PPP2R2C: variants seen among roughly 807,000 people sequenced by gnomAD.
PPP2R2C encodes the protein protein phosphatase 2 regulatory subunit Bgamma.
A neutral mutation model predicts 45.3 loss-of-function variants in PPP2R2C; 10 were observed. The observed-to-expected ratio is 0.22, with a 90% CI of 0.14 to 0.37. PPP2R2C has a LOEUF of 0.37. Among genes scored for constraint, PPP2R2C ranks in the 10% least tolerant of loss-of-function variants. The pLI is 1.00. For missense variants in PPP2R2C, 308 were observed against 619.7 expected (o/e 0.50, Z 5.34); for synonymous variants, 257 against 245.4 (o/e 1.05, Z -0.44).
intron 5 of PPP2R2C, among the ~76,000 whole-genome samples, chr4:6,354,102 G>A (rs899870154): frequency 2.0e-5 from 3 of 150,408 alleles, no homozygotes; most frequent in East Asian, 2.0e-4. Context: ...AACCCCTTGC[G>A]CTCTGCCCCT....
chr4:6,546,172 T>C (rs1724975603), intron 1 of PPP2R2C, among the ~76,000 whole-genome samples: 1 of 152,148 alleles, frequency 6.6e-6, no homozygotes, highest in African/African-American at 2.4e-5. Flanking sequence ...CAAGGTCAGG[T>C]TTATGGTCAG....
rs1194386456 is a variant in PPP2R2C at position 6,332,648 on chromosome 4, G to A, written c.960+914C>T. On this transcript the variant is annotated intron_variant, in intron 7 of 8. Coordinates refer to ENST00000382599, the MANE Select transcript of PPP2R2C (RefSeq NM_020416.4). This position sits in a 1 kb window ranked among gnomAD's most constrained non-coding sequence, Gnocchi z 4.9. The stretch of plus-strand genomic sequence containing the variant: ...TCTGAATCTGTCACCGCCCAGCCGA[G>A]AGACACCTCCCTCATCTCCCTACCT... Among the ~76,000 whole-genome samples the A allele has an allele frequency of 6.6e-6, 1 of 152,192 alleles. No individual in the cohort carries two copies. The highest frequency in any genetic ancestry group is 1.5e-5 in the Non-Finnish European group (1 of 68,034).
At chr4:6,561,055 C>T (rs543596184) in intron 1 of PPP2R2C, among the ~76,000 whole-genome samples, 2 of 152,348 alleles carry the variant, frequency 1.3e-5, no homozygotes, top group Admixed American at 1.3e-4. Context: ...GACCGCCCTT[C>T]CCTGGGCTGG....
chr4:6,435,550 G>A (rs1023302309), intron 1 of PPP2R2C, among the ~76,000 whole-genome samples: 11 of 152,218 alleles, frequency 7.2e-5, no homozygotes, highest in South Asian at 4.1e-4. Flanking sequence ...AGGATCTTGA[G>A]ATAGAGCTTG....
In PPP2R2C at chr4:6,459,321, A is replaced by G. The variant is rs73796207; in HGVS notation, c.70+12839T>C. ...CCACAAACTGCTTGGGCTTCCTCAC[A>G]ATATGGTGGCTGGCTCCAAGGCAGA... On this transcript the variant is annotated intron_variant, in intron 1 of 8. Transcript: ENST00000382599. Among the ~76,000 whole-genome samples the G allele has an allele frequency of 3.7e-3, 558 of 152,226 alleles. 8 individuals carry two copies. The highest frequency in any genetic ancestry group is 0.017 in the Middle Eastern group (5 of 294).
intron 1 of PPP2R2C, among the ~76,000 whole-genome samples, chr4:6,464,464 G>C (rs1721491376): frequency 6.6e-6 from 1 of 152,188 alleles, no homozygotes; most frequent in Non-Finnish European, 1.5e-5. Context: ...TTTCAAGGCA[G>C]ACACAGCCTT....
intron 1 of PPP2R2C, among the ~76,000 whole-genome samples, chr4:6,549,350 A>G (rs983849612): frequency 1.3e-5 from 2 of 151,702 alleles, no homozygotes; most frequent in Non-Finnish European, 2.9e-5. Flanking sequence ...TTCATTCCAG[A>G]GCTTTGCACC....
rs1272703367 is a variant in PPP2R2C, at chr4:6,539,964, C to A, written c.-58-4587G>T. On this transcript the variant is annotated intron_variant, in intron 1 of 9. Coordinates refer to the PPP2R2C transcript ENST00000506140. ...GGCCACGTGGCCACCTGCCCCAGGC[C>A]CGTGAGGACCCTGCAGTTAGCCCTG... Among the ~76,000 whole-genome samples, 2 of 152,310 alleles carry A rather than the reference C, an allele frequency of 1.3e-5. 1 individual carries two copies. The highest frequency in any genetic ancestry group is 6.8e-3 in the Middle Eastern group (2 of 294).
intron 5 of PPP2R2C, among the ~76,000 whole-genome samples, chr4:6,369,581 G>A (rs998023073): frequency 2.0e-5 from 3 of 152,136 alleles, no homozygotes; most frequent in African/African-American, 7.2e-5. Context: ...ACTGGCATTC[G>A]GGGCCCCTAC....
chr4:6,531,350 G>A (rs1724391854), intron 2 of PPP2R2C, among the ~76,000 whole-genome samples: 1 of 152,178 alleles, frequency 6.6e-6, no homozygotes, highest in Non-Finnish European at 1.5e-5. Context: ...GCCAACCCGT[G>A]ACAGCAAAGG....
intron 1 of PPP2R2C, among the ~76,000 whole-genome samples, chr4:6,540,088 C>T (rs4234758): frequency 0.48 from 73,607 of 152,072 alleles, 18,002 homozygotes; most frequent in Non-Finnish European, 0.53. Flanking sequence ...CCATATACCA[C>T]ACACTTTACT....
At chr4:6,561,215 C>T (rs918528772) in intron 1 of PPP2R2C, among the ~76,000 whole-genome samples, 4 of 152,160 alleles carry the variant, frequency 2.6e-5, no homozygotes, top group East Asian at 3.9e-4. Flanking sequence ...ATGCCTGACT[C>T]GACACTCAAC....
At chr4:6,447,284 G>A (rs746120218) in intron 1 of PPP2R2C, among the ~76,000 whole-genome samples, 10 of 152,140 alleles carry the variant, frequency 6.6e-5, no homozygotes, top group East Asian at 1.9e-4. Flanking sequence ...GCACCCTTCC[G>A]TGGGGACACG....
intron 2 of PPP2R2C, among the ~76,000 whole-genome samples, chr4:6,484,090 C>A (rs1722455353): frequency 6.6e-6 from 1 of 151,992 alleles, no homozygotes; most frequent in African/African-American, 2.4e-5. Flanking sequence ...AGAAAAAATT[C>A]TTCACCTCCT....
intron 8 of PPP2R2C, 72 bp from the exon 9 acceptor site, chr4:6,323,665 G>A (rs892565153): frequency 4.3e-6 from 6 of 1,404,358 alleles, no homozygotes; most frequent in Non-Finnish European, 4.7e-6. Context: ...CCCAGGTGTG[G>A]GGGCTCACGC....
chr4:6,422,404 C>T (rs1270340329), intron 1 of PPP2R2C, among the ~76,000 whole-genome samples: 1 of 152,206 alleles, frequency 6.6e-6, no homozygotes, highest in Non-Finnish European at 1.5e-5. Context: ...TCAGCGTCCT[C>T]ATTTTTTTAT....
chr4:6,372,423 C>A, intron 5 of PPP2R2C, 100 bp downstream of exon 5: 2 of 1,296,704 alleles, frequency 1.5e-6, no homozygotes, highest in South Asian at 2.7e-5. Flanking sequence ...AACAATGCAG[C>A]CATCCCCAAA....
chr4:6,558,826 C>A (rs1304838365), intron 1 of PPP2R2C, among the ~76,000 whole-genome samples: 1 of 152,200 alleles, frequency 6.6e-6, no homozygotes, highest in South Asian at 2.1e-4. Flanking sequence ...CAGTGTCTCC[C>A]TGCCTGGCCT....
rs537737422 is a variant in PPP2R2C, at chr4:6,415,522, C to G, written c.71-34428G>C. ...TCTCAGAACCCACGCTGATCCAGGCCGAGGGGAACCTCAGCTGTGAGGGGG... is the reference window on the plus strand; with the variant it reads ...TCTCAGAACCCACGCTGATCCAGGCGGAGGGGAACCTCAGCTGTGAGGGGG... On this transcript the variant is annotated intron_variant, in intron 1 of 8. Transcript: ENST00000382599. Among the ~76,000 whole-genome samples, 8 of 152,298 alleles carry G rather than the reference C, an allele frequency of 5.3e-5. No individual in the cohort carries two copies. In the East Asian group the frequency reaches 1.5e-3, roughly 29 times the overall value.
Sources: allele counts gnomAD v4.1 joint callset (sites outside exome capture counted in the v4.1 genomes callset), GRCh38; gene constraint gnomAD v4.1.1; non-coding constraint Gnocchi (gnomAD v3.1); transcripts MANE v1.5; gene names NCBI Gene and HGNC (gene_info 2026-07-23, HGNC 2026-07-21).